GULP1: variants seen among roughly 807,000 people sequenced by gnomAD.
GULP1 encodes the protein GULP PTB domain containing engulfment adaptor 1.
Under a neutral mutation model 40.9 loss-of-function variants are expected in GULP1, and 19 were observed. The ratio of observed to expected loss-of-function variants is 0.46; its 90% confidence interval spans 0.32 to 0.68. The LOEUF is 0.68. Ranked by LOEUF, GULP1 falls within the 30% of genes least tolerant of loss-of-function variation. The probability of loss-of-function intolerance (pLI) is 0.03; values close to 1 mark genes in which losing one functional copy is unlikely to be tolerated. For missense variants in GULP1, 312 were observed against 362.2 expected (o/e 0.86, Z 1.12); for synonymous variants, 119 against 117.6 (o/e 1.01, Z -0.08).
intron 1 of GULP1, among the ~76,000 whole-genome samples, chr2:188,348,176 TAGG>T (rs774367247): frequency 6.6e-6 from 1 of 152,234 alleles, no homozygotes; most frequent in African/African-American, 2.4e-5. Context: ...ATTGATATAA[TAGG>T]AGATATATTA....
At chr2:188,457,100 C>T (rs1424883132) in intron 2 of GULP1, among the ~76,000 whole-genome samples, 1 of 152,152 alleles carries the variant, frequency 6.6e-6, no homozygotes, top group Non-Finnish European at 1.5e-5. Context: ...TTTGATTTTA[C>T]AGGCTTATAG....
At chr2:188,538,385 T>A (rs561663747) in intron 6 of GULP1, among the ~76,000 whole-genome samples, 7 of 152,194 alleles carry the variant, frequency 4.6e-5, no homozygotes, top group Non-Finnish European at 8.8e-5. Context: ...TTAAAACTCT[T>A]AATGAAAAAG....
intron 1 of GULP1, among the ~76,000 whole-genome samples, chr2:188,346,858 C>G (rs74609329): frequency 3.3e-5 from 5 of 151,310 alleles, no homozygotes; most frequent in Admixed American, 6.6e-5. Flanking sequence ...GTAATCCCAA[C>G]TACTCAGGAG....
At chr2:188,430,563 C>T (rs1046782896) in intron 2 of GULP1, among the ~76,000 whole-genome samples, 2 of 152,184 alleles carry the variant, frequency 1.3e-5, no homozygotes, top group Admixed American at 6.5e-5. Context: ...ACACTTTAAA[C>T]ATATGTTTGG....
chr2:188,445,005 A>T (rs2058260277), intron 2 of GULP1, among the ~76,000 whole-genome samples: 1 of 152,118 alleles, frequency 6.6e-6, no homozygotes, highest in African/African-American at 2.4e-5. Context: ...TAATATCCTA[A>T]TTTTCTGCCA....
chr2:188,580,984 C>T (rs1701202432), intron 9 of GULP1, among the ~76,000 whole-genome samples: 1 of 152,206 alleles, frequency 6.6e-6, no homozygotes, highest in Non-Finnish European at 1.5e-5. Flanking sequence ...TTGCCTGGCA[C>T]ACCTCATCAC....
intron 1 of GULP1, among the ~76,000 whole-genome samples, chr2:188,344,312 G>A (rs1000417282): frequency 6.6e-6 from 1 of 152,192 alleles, no homozygotes; most frequent in African/African-American, 2.4e-5. Context: ...GTACCTATGA[G>A]TGTGCAGATA....
chr2:188,555,475 A>C (rs1694508580), intron 7 of GULP1, among the ~76,000 whole-genome samples: 1 of 152,184 alleles, frequency 6.6e-6, no homozygotes, highest in Non-Finnish European at 1.5e-5. Context: ...TTTAGAAAGG[A>C]GAATATTACT....
chr2:188,319,194 C>CA (rs1283415483), intron 1 of GULP1, among the ~76,000 whole-genome samples: 1 of 152,104 alleles, frequency 6.6e-6, no homozygotes, highest in Non-Finnish European at 1.5e-5. Context: ...TTGCATCTTG[C>CA]TTTTGGGAAA....
chr2:188,346,196 T>G (rs1427767985), intron 1 of GULP1, among the ~76,000 whole-genome samples: 1 of 152,210 alleles, frequency 6.6e-6, no homozygotes, highest in Non-Finnish European at 1.5e-5. Context: ...TCTATTAAGA[T>G]GATATGGCTT....
intron 7 of GULP1, among the ~76,000 whole-genome samples, chr2:188,557,008 A>G (rs1429633866): frequency 6.6e-6 from 1 of 151,638 alleles, no homozygotes; most frequent in Non-Finnish European, 1.5e-5. Context: ...TGGGTGACAG[A>G]GCAAGACTCT....
At chr2:188,554,231 G>T (rs1222624801) in intron 7 of GULP1, among the ~76,000 whole-genome samples, 6 of 151,724 alleles carry the variant, frequency 4.0e-5, no homozygotes, top group Admixed American at 2.0e-4. Context: ...AAGGTATATT[G>T]TTAAGTTGTT....
Position 188,480,166 on chromosome 2 carries a change from T to A in GULP1, c.28+2436T>A, listed in dbSNP as rs555037138. ...TATTTCATTAAATTTTAATTTCAGA[T>A]GAAAAACTTAAATTGTTTGAGAGAA... On this transcript the variant is annotated intron_variant, in intron 3 of 11. Coordinates refer to ENST00000409830, the MANE Select transcript of GULP1 (RefSeq NM_016315.4). 2.0e-5 allele frequency among the ~76,000 whole-genome samples: 3 copies of A among 152,206 alleles called. No individual in the cohort carries two copies. In the East Asian group the frequency reaches 5.8e-4, roughly 29 times the overall value.
At chr2:188,549,007 A>G (rs1692724170) in intron 7 of GULP1, among the ~76,000 whole-genome samples, 1 of 151,616 alleles carries the variant, frequency 6.6e-6, no homozygotes, top group African/African-American at 2.4e-5. Flanking sequence ...AAACATTTAG[A>G]AAAAAAACAC....
At chr2:188,586,536 A>G (rs889700845) in intron 10 of GULP1, among the ~76,000 whole-genome samples, 1 of 152,220 alleles carries the variant, frequency 6.6e-6, no homozygotes, top group African/African-American at 2.4e-5. Context: ...TAACAGCAAT[A>G]GTAATATTCA....
intron 9 of GULP1, among the ~76,000 whole-genome samples, chr2:188,571,558 T>C (rs1000446989): frequency 1.3e-5 from 2 of 152,170 alleles, no homozygotes; most frequent in Non-Finnish European, 2.9e-5. Context: ...CTTCAGGTTC[T>C]GGTTTTATTC....
At chr2:188,432,075 T>G (rs1273225103) in intron 2 of GULP1, among the ~76,000 whole-genome samples, 1 of 151,678 alleles carries the variant, frequency 6.6e-6, no homozygotes. Context: ...CCTTACATTT[T>G]TGTGAAAACC....
rs374718200 is a variant in GULP1 at position 188,352,649 on chromosome 2, C to CACACACACACACAT, written c.-171-31114_-171-31113insACACACACACACAT. ...ACACACACACACACACACACACACACGGTTCTGTTTCTTGGAGAACCCTGA... is the reference window on the plus strand; with the variant it reads ...ACACACACACACACACACACACACACACACACACACACATGGTTCTGTTTCTTGGAGAACCCTGA... On this transcript the variant is annotated intron_variant, in intron 1 of 11. Transcript: ENST00000409830. 2.7e-3 allele frequency among the ~76,000 whole-genome samples: 388 copies of CACACACACACACAT among 146,146 alleles called. 1 individual carries two copies. Among genetic ancestry groups the CACACACACACACAT allele is most frequent in the Middle Eastern group, 0.011 (3 of 280 alleles).
intron 1 of GULP1, among the ~76,000 whole-genome samples, chr2:188,362,923 T>A (rs1574732832): frequency 6.6e-6 from 1 of 151,750 alleles, no homozygotes; most frequent in East Asian, 1.9e-4. Flanking sequence ...GAGAACAGAA[T>A]ATGGAAAGGG....
Sources: allele counts gnomAD v4.1 joint callset (sites outside exome capture counted in the v4.1 genomes callset), GRCh38; gene constraint gnomAD v4.1.1; transcripts MANE v1.5; gene names NCBI Gene and HGNC (gene_info 2026-07-23, HGNC 2026-07-21).